The following SGK3 variants were observed in gnomAD, a reference collection of about 807,000 sequenced individuals.
SGK3 encodes the protein serum/glucocorticoid regulated kinase family member 3, also known as serine/threonine-protein kinase Sgk3.
In SGK3, 47 loss-of-function variants were observed where a neutral mutation model predicts 68.5. The observed-to-expected ratio is 0.69, with a 90% confidence interval of 0.54 to 0.87. SGK3 has a LOEUF of 0.87. Among genes scored for constraint, SGK3 ranks in the 40% least tolerant of loss-of-function variants. The pLI is 0.00. For missense variants in SGK3, 479 were observed against 575.5 expected (o/e 0.83, Z 1.72); for synonymous variants, 181 against 189.1 (o/e 0.96, Z 0.35).
intron 12 of SGK3, 42 bp downstream of exon 12, chr8:66,840,289 GT>G: frequency 6.5e-7 from 1 of 1,527,890 alleles, no homozygotes; most frequent in Non-Finnish European, 8.8e-7. Flanking sequence ...CTCAATTTTT[GT>G]TGTTGCTTTT....
intron 1 of SGK3, among the ~76,000 whole-genome samples, chr8:66,727,112 T>G (rs969392400): frequency 1.3e-5 from 2 of 151,706 alleles, no homozygotes; most frequent in African/African-American, 2.4e-5. Flanking sequence ...TTCCTTTTTG[T>G]TTTTTTTGAG....
At chr8:66,851,502 T>C (rs1210768697) in intron 16 of SGK3, among the ~76,000 whole-genome samples, 7 of 151,090 alleles carry the variant, frequency 4.6e-5, no homozygotes, top group Non-Finnish European at 8.8e-5. Flanking sequence ...GCCTGGGTGA[T>C]AGAGCGAGAC....
intron 1 of SGK3, among the ~76,000 whole-genome samples, chr8:66,765,849 C>T (rs753680084): frequency 2.0e-5 from 3 of 151,914 alleles, no homozygotes; most frequent in Middle Eastern, 3.4e-3. Flanking sequence ...CACGGTGAAA[C>T]TCTGTCTCTA....
intron 1 of SGK3, among the ~76,000 whole-genome samples, chr8:66,750,581 G>A (rs1169418873): frequency 6.6e-6 from 1 of 150,416 alleles, no homozygotes; most frequent in African/African-American, 2.4e-5. Context: ...CCAGCTACTC[G>A]GGAGGCTAAG....
At chr8:66,734,277 T>C (rs779747926) in intron 1 of SGK3, among the ~76,000 whole-genome samples, 2 of 150,016 alleles carry the variant, frequency 1.3e-5, no homozygotes, top group African/African-American at 2.5e-5. Flanking sequence ...TATGGTGTGA[T>C]TGTTAGAGAT....
At chr8:66,797,517 T>G (rs1362793462) in intron 2 of SGK3, among the ~76,000 whole-genome samples, 2 of 152,198 alleles carry the variant, frequency 1.3e-5, no homozygotes, top group South Asian at 2.1e-4. Context: ...GTAGGGTGTC[T>G]CATGTATAGT....
intron 1 of SGK3, among the ~76,000 whole-genome samples, chr8:66,770,307 T>G (rs193000648): frequency 6.6e-6 from 1 of 152,240 alleles, no homozygotes; most frequent in South Asian, 2.1e-4. Context: ...TTTCTTTGCA[T>G]GCCTTGTAAT....
In SGK3 at chr8:66,851,149, A is replaced by C. The variant is rs564245116; in HGVS notation, c.1320+229A>C. ...ATGTCTTCCAGCACAGTAATTGTAAAGTGTTTCTTTGGAGCATGTATAAGA... is the reference window on the plus strand; with the variant it reads ...ATGTCTTCCAGCACAGTAATTGTAACGTGTTTCTTTGGAGCATGTATAAGA... On this transcript the variant is annotated intron_variant, in intron 16 of 16. Coordinates refer to ENST00000521198, the MANE Select transcript of SGK3 (RefSeq NM_001033578.3). Among the ~76,000 whole-genome samples the C allele has an allele frequency of 3.9e-5, 6 of 152,286 alleles. No homozygotes were observed. The South Asian group carries it at 1.2e-3, about 32-fold the overall frequency.
intron 1 of SGK3, among the ~76,000 whole-genome samples, chr8:66,754,519 A>G (rs761375876): frequency 7.2e-5 from 11 of 152,200 alleles, no homozygotes; most frequent in African/African-American, 2.2e-4. Flanking sequence ...GATTTCGGGT[A>G]TTTACAGATT....
chr8:66,715,262 TTTG>T (rs1194765253), intron 1 of SGK3, among the ~76,000 whole-genome samples: 1 of 144,366 alleles, frequency 6.9e-6, no homozygotes, highest in Non-Finnish European at 1.5e-5. Flanking sequence ...TCTTTCTTTC[TTTG>T]TTTTTTTTTT....
chr8:66,778,051 C>A (rs1017865088), intron 1 of SGK3: 2 of 152,330 alleles, frequency 1.3e-5, no homozygotes, highest in Non-Finnish European at 2.9e-5. Context: ...CAAACCCCCC[C>A]TCACATGCGG....
chr8:66,804,551 T>C, intron 4 of SGK3, 104 bp downstream of exon 4: 1 of 1,172,070 alleles, frequency 8.5e-7, no homozygotes, highest in Non-Finnish European at 1.2e-6. Flanking sequence ...CTTTAAAAGA[T>C]CTTATGCTCT....
chr8:66,855,004 A>C (rs532679370), intron 16 of SGK3, among the ~76,000 whole-genome samples: 4 of 152,168 alleles, frequency 2.6e-5, no homozygotes, highest in Admixed American at 6.5e-5. Flanking sequence ...ACAACAACAA[A>C]AAGTGAAAAT....
intron 1 of SGK3, among the ~76,000 whole-genome samples, chr8:66,768,274 T>C (rs1010110325): frequency 7.9e-5 from 12 of 152,292 alleles, no homozygotes; most frequent in Middle Eastern, 3.4e-3. Flanking sequence ...AATCAAAATA[T>C]GTTTAGTTCT....
chr8:66,754,583 A>G (rs1805917732), intron 1 of SGK3, among the ~76,000 whole-genome samples: 1 of 152,274 alleles, frequency 6.6e-6, no homozygotes, highest in Non-Finnish European at 1.5e-5. Flanking sequence ...AATAAAGTCT[A>G]AAGACGAAAT....
At chr8:66,753,774 G>A (rs184692948) in intron 1 of SGK3, among the ~76,000 whole-genome samples, 5 of 152,186 alleles carry the variant, frequency 3.3e-5, no homozygotes, top group East Asian at 3.9e-4. Context: ...AGCCAAGATC[G>A]TGCCATTGCA....
intron 8 of SGK3, among the ~76,000 whole-genome samples, chr8:66,832,155 TA>T (rs1809328835): frequency 6.6e-6 from 1 of 152,188 alleles, no homozygotes; most frequent in Non-Finnish European, 1.5e-5. Flanking sequence ...AACGAATGTG[TA>T]AAGACCCTGC....
At chr8:66,738,734 TCTC>T (rs1270969928) in intron 1 of SGK3, among the ~76,000 whole-genome samples, 1 of 152,076 alleles carries the variant, frequency 6.6e-6, no homozygotes, top group African/African-American at 2.4e-5. Context: ...TTCACACCAT[TCTC>T]CTGCCTCAGC....
At chr8:66,778,844 A>G (rs1340349342) in intron 1 of SGK3, among the ~76,000 whole-genome samples, 1 of 152,202 alleles carries the variant, frequency 6.6e-6, no homozygotes, top group Non-Finnish European at 1.5e-5. Context: ...TTTTAAAAGT[A>G]CGCAGTAAAT....
Sources: gnomAD v4.1 joint callset for allele counts (sites outside exome capture counted in the v4.1 genomes callset) on GRCh38, gnomAD v4.1.1 for gene constraint, MANE v1.5 for transcripts, NCBI Gene and HGNC (gene_info 2026-07-23, HGNC 2026-07-21) for gene names.